The following TTN variants were observed in gnomAD, a reference collection of about 807,000 sequenced individuals.
TTN encodes the protein connectin.
Under a neutral mutation model 3,223.0 loss-of-function variants are expected in TTN, and 1,525 were observed. The observed-to-expected ratio is 0.47, with a 90% CI of 0.45 to 0.49. The LOEUF is 0.49. Among genes scored for constraint, TTN ranks in the 20% least tolerant of loss-of-function variants. The pLI is 0.00. For missense variants in TTN, 40,786 were observed against 43,424.0 expected, an observed-to-expected ratio of 0.94 and a Z score of 5.40; for synonymous variants, 14,094 against 15,161.0, an observed-to-expected ratio of 0.93 and a Z score of 5.17.
intron 294 of TTN, among the ~76,000 whole-genome samples, chr2:178,597,060 A>G (rs2051876776): frequency 6.6e-6 from 1 of 152,058 alleles, no homozygotes; most frequent in African/African-American, 2.4e-5. Flanking sequence ...GCAAATTGTT[A>G]AACATTCATG....
rs753274370 is a variant in TTN at position 178,587,926 on chromosome 2, C to T, written c.63481G>A (p.Glu21161Lys). Residue 21161 changes from glutamate (E) to lysine (K), a missense_variant, in exon 305 of 363, where the codon GAA (glutamate) becomes AAA (lysine). Transcript: ENST00000589042. ...VGIGRPAELK[E>K]AIKPKEILEP... ...AGTATTTCTTTAGGTTTGATAGCTT[C>T]CTTTAGCTCTGCAGGGCGCCCAATA... The T allele has an allele frequency of 3.0e-5, 48 of 1,603,270 alleles. No individual in the cohort carries two copies. Among genetic ancestry groups the T allele is most frequent in the Non-Finnish European group, 3.7e-5 (43 of 1,173,604 alleles).
chr2:178,649,073 A>G (rs1190006895), intron 213 of TTN, among the ~76,000 whole-genome samples, 175 bp downstream of exon 213: 1 of 152,096 alleles, frequency 6.6e-6, no homozygotes, highest in Non-Finnish European at 1.5e-5. Flanking sequence ...ACTGAATCCC[A>G]CTCATTTTTT....
intron 42 of TTN, 58 bp from the exon 43 acceptor site, chr2:178,764,360 A>G: frequency 1.9e-6 from 3 of 1,613,082 alleles, no homozygotes; most frequent in Non-Finnish European, 2.5e-6. Context: ...ACCTCACAGA[A>G]GGGAGCATGT....
At chr2:178,665,986 T>C (rs753640263) in intron 163 of TTN, among the ~76,000 whole-genome samples, 195 bp from the exon 164 acceptor site, 2 of 152,134 alleles carry the variant, frequency 1.3e-5, no homozygotes, top group African/African-American at 2.4e-5. Context: ...CTATCAGTAT[T>C]AGTAATTTTA....
intron 159 of TTN, 101 bp downstream of exon 159, chr2:178,669,269 TATA>T: frequency 1.1e-6 from 1 of 893,812 alleles, no homozygotes; most frequent in Non-Finnish European, 1.6e-6. Flanking sequence ...GTTAGGCTTT[TATA>T]AGAGTTTAGT....
chr2:178,693,504 A>C, intron 119 of TTN, 105 bp downstream of exon 119: 1 of 818,778 alleles, frequency 1.2e-6, no homozygotes, highest in South Asian at 2.4e-5. Flanking sequence ...ATAGGTATGC[A>C]CACTGTGACT....
At chr2:178,764,137 T>C (rs750876100) in intron 43 of TTN, 40 bp downstream of exon 43, 1 of 1,614,010 alleles carries the variant, frequency 6.2e-7, no homozygotes, top group Non-Finnish European at 8.5e-7. Flanking sequence ...TGTAATTATT[T>C]GTAAGTATTG....
Position 178,533,420 on chromosome 2 carries a change from C to T in TTN, c.103195G>A (p.Asp34399Asn). ...GGCCCGAGGGACAGTGGCTGACCAT[C>T]TTTCTCCCATTTTAATGTTGGTGGG... ...IPPPTLKWEK[D>N]GQPLSLGPNI... is the part of the protein sequence containing the mutation. The change falls in exon 358 of 363, where the codon GAT becomes AAT. Residue 34399 changes from aspartate to asparagine, a missense_variant. Transcript: ENST00000589042. 6.2e-7 allele frequency: 1 copy of T among 1,613,898 alleles called. No individual in the cohort carries two copies. Among genetic ancestry groups the T allele is most frequent in the Non-Finnish European group, 8.5e-7 (1 of 1,179,842 alleles).
In TTN at chr2:178,552,882, T is replaced by C; in HGVS notation, c.90018A>G (p.Arg30006=). The C allele has an allele frequency of 6.2e-7, 1 of 1,613,854 alleles. No individual in the cohort carries two copies. Among genetic ancestry groups the C allele is most frequent in the Non-Finnish European group, 8.5e-7 (1 of 1,179,828 alleles). Residue 30006 remains arginine, a synonymous_variant, in exon 335 of 363, where the codon AGA becomes AGG. Coordinates refer to ENST00000589042, the MANE Select transcript of TTN (RefSeq NM_001267550.2). ...DLSEKTPFFF[R]VLAENEIGIG... is the part of the protein sequence containing the mutation. ...TTCCAATTTCATTTTCTGCAAGAAC[T>C]CTGAAGAAGAATGGAGTCTTCTCCG...
chr2:178,780,020 T>C lies in TTN; in HGVS notation c.3709A>G (p.Arg1237Gly). 1 of 1,612,892 alleles carries C rather than the reference T, an allele frequency of 6.2e-7. No individual in the cohort carries two copies. The highest frequency in any genetic ancestry group is 8.5e-7 in the Non-Finnish European group (1 of 1,179,796). Residue 1237 changes from arginine to glycine, a missense_variant, in exon 22 of 363, where the codon AGA (arginine) becomes GGA (glycine). Physicochemically the swap from Arg to Gly is moderately radical, Grantham distance 125. Coordinates refer to ENST00000589042, the MANE Select transcript of TTN (RefSeq NM_001267550.2). ...KKMAKDTVVV[R>G]TYVEDQEFHI... ...CTCACCTGATCTTCTACATAAGTTC[T>C]GACCACTACAGTATCTTTGGCCATT...
intron 94 of TTN, 50 bp downstream of exon 94, chr2:178,712,647 G>A (rs1219591313): frequency 6.2e-7 from 1 of 1,606,646 alleles, no homozygotes; most frequent in Middle Eastern, 1.7e-4. Flanking sequence ...TACAGACAAA[G>A]ACACATCTAA....
chr2:178,619,020 G>T (rs1383850787), intron 250 of TTN, 167 bp from the exon 251 acceptor site: 1 of 847,366 alleles, frequency 1.2e-6, no homozygotes, highest in Middle Eastern at 3.8e-4. Context: ...ATAGCTTTTT[G>T]TTGTTGTTGT....
Position 178,569,756 on chromosome 2 carries a change from G to A in TTN, c.76376C>T (p.Thr25459Ile). The A allele has an allele frequency of 6.2e-7, 1 of 1,613,158 alleles. No homozygotes were observed. Among genetic ancestry groups the A allele is most frequent in the Non-Finnish European group, 8.5e-7 (1 of 1,179,610 alleles). Reference protein sequence around the residue: ...VGEWTMCTPPTGINKTNIEVE... With the variant: ...VGEWTMCTPPIGINKTNIEVE... ...TTCTATGTTTGTTTTATTAATTCCTGTTGGTGGAGTGCACATTGTCCATTC... is the reference window on the plus strand; with the variant it reads ...TTCTATGTTTGTTTTATTAATTCCTATTGGTGGAGTGCACATTGTCCATTC... The change falls in exon 326 of 363, where the codon ACA (threonine) becomes ATA (isoleucine). Residue 25459 changes from threonine to isoleucine, a missense_variant. By Grantham distance (89) the Thr-to-Ile change is moderately conservative (BLOSUM62 -1). Coordinates refer to ENST00000589042, the MANE Select transcript of TTN (RefSeq NM_001267550.2).
At position 178,712,829 on chromosome 2, in the gene TTN, T is replaced by G; in HGVS notation, c.27196A>C (p.Asn9066His). 3.7e-6 allele frequency: 6 copies of G among 1,613,824 alleles called. No individual in the cohort carries two copies. Among genetic ancestry groups the G allele is most frequent in the Non-Finnish European group, 5.1e-6 (6 of 1,179,772 alleles). Residue 9066 changes from asparagine to histidine, a missense_variant, in exon 94 of 363, where the codon AAC (asparagine) becomes CAC (histidine). Transcript: ENST00000589042. ...SSELVPGDRC[N>H]VSLEDSVAEL... ...GCAACTGAATCCTCCAAAGACACGT[T>G]GCATCTGTCACCTGGTACTAGTTCA...
At chr2:178,651,645 G>T (rs771113969) in intron 206 of TTN, 21 bp downstream of exon 206, 7 of 1,612,900 alleles carry the variant, frequency 4.3e-6, no homozygotes, top group Non-Finnish European at 5.9e-6. Context: ...TTGTTAGGGA[G>T]TTAGTGGCAG....
chr2:178,756,145 T>C (rs1483679669), intron 46 of TTN, 77 bp downstream of exon 46: 5 of 1,103,238 alleles, frequency 4.5e-6, no homozygotes, highest in African/African-American at 3.1e-5. Context: ...TATTCGTCGA[T>C]TGAATTTGCA....
At position 178,547,054 on chromosome 2, in the gene TTN, C is replaced by A; in HGVS notation, c.94471G>T (p.Val31491Phe). ...FRTYALNAAG[V>F]SKASEASRPI... is the part of the protein sequence containing the mutation. The stretch of plus-strand genomic sequence containing the variant: ...CTTGAAGCTTCGCTGGCCTTGCTAA[C>A]ACCTGCAGCATTGAGTGCATAAGTT... The change falls in exon 340 of 363, where the codon GTT becomes TTT. Residue 31491 changes from valine to phenylalanine, a missense_variant. Transcript: ENST00000589042. 2 of 1,613,726 alleles carry A rather than the reference C, an allele frequency of 1.2e-6. No homozygotes were observed. The highest frequency in any genetic ancestry group is 1.7e-6 in the Non-Finnish European group (2 of 1,179,670).
At position 178,546,664 on chromosome 2, in the gene TTN, A is replaced by C; in HGVS notation, c.94764T>G (p.Asn31588Lys). ...ACCCTTTGCTAATTACGCCTGCTGC[A>C]TTCTTGGCTAACACACGGAACTCAT... ...DTYEFRVLAKNAAGVISKGSE... is the reference protein window; with the variant it reads ...DTYEFRVLAKKAAGVISKGSE... The change falls in exon 341 of 363, where the codon AAT becomes AAG. Residue 31588 changes from asparagine (N) to lysine (K), a missense_variant. Physicochemically the swap from Asn to Lys is moderately conservative, Grantham distance 94. Transcript: ENST00000589042. 1 of 1,613,788 alleles carries C rather than the reference A, an allele frequency of 6.2e-7. No homozygotes were observed. Among genetic ancestry groups the C allele is most frequent in the Non-Finnish European group, 8.5e-7 (1 of 1,179,734 alleles).
chr2:178,714,200 C>T, intron 91 of TTN, 25 bp from the exon 92 acceptor site: 1 of 1,594,748 alleles, frequency 6.3e-7, no homozygotes, highest in Admixed American at 1.8e-5. Flanking sequence ...AAAAGATATC[C>T]ATATTTTAAA....
Sources: allele counts gnomAD v4.1 joint callset (sites outside exome capture counted in the v4.1 genomes callset), GRCh38; gene constraint gnomAD v4.1.1; transcripts MANE v1.5; gene names NCBI Gene and HGNC (gene_info 2026-07-23, HGNC 2026-07-21).